Variants in GRID2 observed in about 807,000 individuals in gnomAD.
GRID2 encodes glutamate ionotropic receptor delta type subunit 2.
Under a neutral mutation model 114.8 loss-of-function variants are expected in GRID2, and 33 were observed. The observed-to-expected ratio is 0.29, with a 90% confidence interval of 0.22 to 0.38. The LOEUF (loss-of-function observed/expected upper bound fraction) is 0.38. Among genes scored for constraint, GRID2 ranks in the 10% least tolerant of loss-of-function variants. GRID2 has a pLI of 1.00. For synonymous variants in GRID2, 505 were observed against 449.9 expected, an observed-to-expected ratio of 1.12 and a Z score of -1.55; for missense variants, 1,184 against 1,257.7, an observed-to-expected ratio of 0.94 and a Z score of 0.89.
intron 2 of GRID2, among the ~76,000 whole-genome samples, chr4:92,594,475 A>T (rs1277802595): frequency 6.6e-6 from 1 of 151,962 alleles, no homozygotes; most frequent in Non-Finnish European, 1.5e-5. Flanking sequence ...CAGTTCTAGA[A>T]TTAGAACCTT....
intron 1 of GRID2, among the ~76,000 whole-genome samples, chr4:92,417,809 T>C (rs192297143): frequency 5.5e-4 from 84 of 152,268 alleles, no homozygotes; most frequent in Non-Finnish European, 1.0e-3. Context: ...TAGGAAGTAA[T>C]TGAATCATGA....
chr4:93,332,307 A>T (rs1485585078), intron 8 of GRID2, among the ~76,000 whole-genome samples: 10 of 150,482 alleles, frequency 6.6e-5, no homozygotes, highest in South Asian at 4.2e-4. Context: ...TGTGAGAGAG[A>T]GAGAGAGAGA....
intron 2 of GRID2, chr4:92,885,016 G>GA (rs1746276249): frequency 3.9e-6 from 1 of 258,982 alleles, no homozygotes; most frequent in Non-Finnish European, 7.8e-6. Flanking sequence ...CAGTGTTACA[G>GA]AAACAAGCTG....
At chr4:93,132,539 A>G (rs1734896136) in intron 4 of GRID2, among the ~76,000 whole-genome samples, 1 of 152,168 alleles carries the variant, frequency 6.6e-6, no homozygotes, top group Admixed American at 6.5e-5. Flanking sequence ...CTAATTTCCA[A>G]ATTTTAACCT....
chr4:93,156,859 C>T lies in GRID2; in HGVS notation c.735+45906C>T, dbSNP rs1737231068. Among the ~76,000 whole-genome samples, 3 of 151,532 alleles carry T rather than the reference C, an allele frequency of 2.0e-5. 1 individual carries two copies. The South Asian group carries it at 6.2e-4, about 31-fold the overall frequency. The stretch of plus-strand genomic sequence containing the variant: ...AGGACTAACTGTGGACAAGATGATC[C>T]AGGAAGCAAGTATGAAGTGAAAAGT... On this transcript the variant is annotated intron_variant, in intron 4 of 15. Transcript: ENST00000282020.
chr4:93,441,790 A>G (rs1721642834), intron 10 of GRID2, among the ~76,000 whole-genome samples: 1 of 152,062 alleles, frequency 6.6e-6, no homozygotes, highest in African/African-American at 2.4e-5. Context: ...AATGATCCTG[A>G]GTTTTCTTTT....
At chr4:92,612,291 C>T (rs1030436870) in intron 2 of GRID2, among the ~76,000 whole-genome samples, 2 of 151,418 alleles carry the variant, frequency 1.3e-5, no homozygotes, top group African/African-American at 2.4e-5. Flanking sequence ...GAGTCTATTT[C>T]AGAATACTCG....
chr4:93,371,812 A>G (rs1251259101), intron 8 of GRID2, among the ~76,000 whole-genome samples: 1 of 125,862 alleles, frequency 7.9e-6, no homozygotes, highest in East Asian at 2.3e-4. Flanking sequence ...CAGTGGCATG[A>G]TCTTGGCTCA....
chr4:93,781,848 A>T (rs1054469769), intron 1 of GRID2, among the ~76,000 whole-genome samples: 2 of 152,162 alleles, frequency 1.3e-5, no homozygotes, highest in African/African-American at 4.8e-5. Flanking sequence ...TGTGAAACCC[A>T]CAGATCCAGA....
chr4:93,343,434 C>G (rs904075630), intron 8 of GRID2, among the ~76,000 whole-genome samples: 1 of 151,952 alleles, frequency 6.6e-6, no homozygotes, highest in East Asian at 1.9e-4. Context: ...ACTTGTTTTC[C>G]ACTTTCAACT....
At chr4:93,790,475 T>G (rs1734673582) in intron 1 of GRID2, among the ~76,000 whole-genome samples, 1 of 151,976 alleles carries the variant, frequency 6.6e-6, no homozygotes. Context: ...TAATGCATTA[T>G]TCCAAAGGAA....
chr4:93,394,298 A>C (rs1765123426), intron 8 of GRID2, among the ~76,000 whole-genome samples: 1 of 151,998 alleles, frequency 6.6e-6, no homozygotes, highest in Non-Finnish European at 1.5e-5. Flanking sequence ...GTATGAATTT[A>C]ATGTGCTTTT....
At chr4:93,633,869 T>C (rs957597056) in intron 14 of GRID2, among the ~76,000 whole-genome samples, 2 of 152,162 alleles carry the variant, frequency 1.3e-5, no homozygotes, top group African/African-American at 4.8e-5. Context: ...AATGGGGTGC[T>C]TTCCAAGCAT....
At chr4:93,244,378 T>C (rs2149520811) in intron 8 of GRID2, among the ~76,000 whole-genome samples, 1 of 151,714 alleles carries the variant, frequency 6.6e-6, no homozygotes, top group South Asian at 2.1e-4. Flanking sequence ...TTCTCAGATA[T>C]ACTTAGAATC....
chr4:92,972,441 A>G (rs879389703), intron 2 of GRID2, among the ~76,000 whole-genome samples: 6 of 152,110 alleles, frequency 3.9e-5, no homozygotes, highest in Non-Finnish European at 2.9e-5. Context: ...CGTAAAATAT[A>G]AAAACATGGT....
chr4:93,216,846 C>T lies in GRID2; in HGVS notation c.898C>T (p.Arg300Cys), dbSNP rs745533496. 5.6e-6 allele frequency: 9 copies of T among 1,612,826 alleles called. No individual in the cohort carries two copies. Among genetic ancestry groups the T allele is most frequent in the Admixed American group, 1.7e-5 (1 of 59,952 alleles). Reference protein sequence around the residue: ...VPQNISQRCFRGNHRISSTLC... With the variant: ...VPQNISQRCFCGNHRISSTLC... ...CCAGAACATAAGTCAGCGGTGTTTC[C>T]GTGGCAACCATCGAATATCTTCAAC... Residue 300 changes from arginine (R) to cysteine (C), a missense_variant, in exon 6 of 16, where the codon CGT (arginine) becomes TGT (cysteine). Arg to Cys is a radical substitution (Grantham distance 180). Around this residue, in one of 3 missense-constraint regions of GRID2, gnomAD observed 455 missense variants for 429.5 expected, o/e 1.06. Transcript: ENST00000282020.
intron 8 of GRID2, among the ~76,000 whole-genome samples, chr4:93,377,501 A>G (rs1044452709): frequency 6.6e-6 from 1 of 152,214 alleles, no homozygotes; most frequent in East Asian, 1.9e-4. Flanking sequence ...TTCTCTGATT[A>G]TTAAACTTTG....
intron 2 of GRID2, among the ~76,000 whole-genome samples, chr4:92,672,621 G>A (rs1394128693): frequency 6.6e-6 from 1 of 151,960 alleles, no homozygotes; most frequent in Non-Finnish European, 1.5e-5. Flanking sequence ...TATTGGCATG[G>A]ATGTATTTAG....
chr4:92,903,743 C>G (rs75993189), intron 2 of GRID2, among the ~76,000 whole-genome samples: 2,422 of 151,978 alleles, frequency 0.016, 70 homozygotes, highest in African/African-American at 0.055. Context: ...CTACTAATTT[C>G]TCTAAAAATG....
Sources: gnomAD v4.1 joint callset for allele counts (sites outside exome capture counted in the v4.1 genomes callset) on GRCh38, gnomAD v4.1.1 for gene constraint, gnomAD v4.1.1 regional missense constraint, MANE v1.5 for transcripts, NCBI Gene and HGNC (gene_info 2026-07-23, HGNC 2026-07-21) for gene names.